The following EYS variants were observed in gnomAD, a reference collection of about 807,000 sequenced individuals.
The protein encoded by EYS is protein eyes shut homolog.
EYS carries 250 observed loss-of-function variants against 282.1 expected under a neutral mutation model. The observed-to-expected ratio is 0.89, with a 90% CI of 0.80 to 0.98. EYS has a LOEUF of 0.98. EYS is among the 50% of genes least tolerant of loss of function. The pLI is 0.00. For synonymous variants in EYS, 1,355 were observed against 1,282.9 expected, an observed-to-expected ratio of 1.06 and a Z score of -1.20; for missense variants, 4,016 against 3,709.0, an observed-to-expected ratio of 1.08 and a Z score of -2.15.
chr6:63,788,013 G>C (rs1770409637), intron 39 of EYS, 92 bp downstream of exon 39: 1 of 948,980 alleles, frequency 1.1e-6, no homozygotes, highest in Non-Finnish European at 1.5e-6. Context: ...CCATATAGCT[G>C]GTTTGGGAAA....
At chr6:64,518,733 G>T (rs1008745188) in intron 26 of EYS, among the ~76,000 whole-genome samples, 2 of 150,432 alleles carry the variant, frequency 1.3e-5, no homozygotes, top group Non-Finnish European at 3.0e-5. Context: ...CCCCCATCCT[G>T]TTCTTGTGAT....
At chr6:64,751,979 G>A (rs1328803857) in intron 22 of EYS, among the ~76,000 whole-genome samples, 1 of 152,050 alleles carries the variant, frequency 6.6e-6, no homozygotes, top group African/African-American at 2.4e-5. Flanking sequence ...CCTCAAGGAT[G>A]TGACTCATTA....
chr6:63,931,694 T>G (rs1764899641), intron 35 of EYS, among the ~76,000 whole-genome samples: 1 of 152,218 alleles, frequency 6.6e-6, no homozygotes, highest in Admixed American at 6.5e-5. Context: ...GATATTTTGA[T>G]ACACAAATAC....
chr6:63,791,362 A>G (rs2149672022), intron 37 of EYS, among the ~76,000 whole-genome samples: 1 of 152,228 alleles, frequency 6.6e-6, no homozygotes, highest in Non-Finnish European at 1.5e-5. Context: ...TCAGGAGATC[A>G]AGACCATCCT....
rs544095789 is a variant in EYS, at chr6:65,220,806, A to G, written c.2023+75057T>C. Among the ~76,000 whole-genome samples, 113 of 152,230 alleles carry G rather than the reference A, an allele frequency of 7.4e-4. 1 individual carries two copies. The highest frequency in any genetic ancestry group is 2.6e-3 in the African/African-American group (110 of 41,566). On this transcript the variant is annotated intron_variant, in intron 12 of 42. Coordinates refer to ENST00000503581, the MANE Select transcript of EYS (RefSeq NM_001142800.2). ...CTCAGAGACTTGTGGAATGGTTTTG[A>G]CCAAAATGCTGACAGTGATATGGAC...
chr6:63,840,898 T>A (rs1364430407), intron 36 of EYS, among the ~76,000 whole-genome samples: 1 of 152,202 alleles, frequency 6.6e-6, no homozygotes, highest in Non-Finnish European at 1.5e-5. Context: ...TTAGTCAATG[T>A]GTCTGTTTAT....
At chr6:64,050,954 ATAT>A (rs1453127597) in intron 33 of EYS, among the ~76,000 whole-genome samples, 1 of 152,186 alleles carries the variant, frequency 6.6e-6, no homozygotes, top group African/African-American at 2.4e-5. Flanking sequence ...TTGTTTGAGC[ATAT>A]TATAATCTCA....
chr6:64,225,148 A>G (rs754126239), intron 31 of EYS, among the ~76,000 whole-genome samples: 2 of 152,086 alleles, frequency 1.3e-5, no homozygotes, highest in Middle Eastern at 3.2e-3. Context: ...AGAACATTGA[A>G]CATCCTTTGA....
At chr6:65,057,268 T>C (rs1773444794) in intron 13 of EYS, among the ~76,000 whole-genome samples, 1 of 152,056 alleles carries the variant, frequency 6.6e-6, no homozygotes, top group Admixed American at 6.6e-5. Context: ...AGAGAAAACT[T>C]GACAATTTCA....
At chr6:64,101,420 G>T (rs116833035) in intron 31 of EYS, among the ~76,000 whole-genome samples, 3,620 of 151,946 alleles carry the variant, frequency 0.024, 127 homozygotes, top group African/African-American at 0.082. Context: ...AATAAATAAT[G>T]GTTTCTTCAG....
intron 31 of EYS, among the ~76,000 whole-genome samples, chr6:64,220,573 T>G (rs1766069947): frequency 6.6e-6 from 1 of 152,134 alleles, no homozygotes; most frequent in African/African-American, 2.4e-5. Flanking sequence ...GTTCAGCCCT[T>G]CCTTGGGAGA....
chr6:64,328,707 G>A (rs1004766688), intron 29 of EYS, among the ~76,000 whole-genome samples: 2 of 152,188 alleles, frequency 1.3e-5, no homozygotes, highest in Non-Finnish European at 2.9e-5. Context: ...TTGGGATGAG[G>A]AGGCCAAGAG....
At chr6:65,134,734 C>T (rs954536209) in intron 12 of EYS, among the ~76,000 whole-genome samples, 1 of 151,862 alleles carries the variant, frequency 6.6e-6, no homozygotes, top group Non-Finnish European at 1.5e-5. Context: ...TGTATGTGTG[C>T]CCCTGAATCT....
intron 12 of EYS, among the ~76,000 whole-genome samples, chr6:65,208,331 G>T (rs1404529451): frequency 6.6e-6 from 1 of 151,714 alleles, no homozygotes; most frequent in Non-Finnish European, 1.5e-5. Flanking sequence ...AGAGAAGAAG[G>T]GAACACTTAT....
At chr6:63,754,963 T>G (rs546898620) in intron 41 of EYS, among the ~76,000 whole-genome samples, 6 of 152,250 alleles carry the variant, frequency 3.9e-5, no homozygotes, top group Non-Finnish European at 8.8e-5. Context: ...TGTTTTTATA[T>G]GTCTGTTGGC....
intron 28 of EYS, among the ~76,000 whole-genome samples, chr6:64,393,449 G>C (rs556958191): frequency 2.3e-4 from 35 of 152,254 alleles, no homozygotes; most frequent in African/African-American, 7.2e-4. Flanking sequence ...AAGTGGGCTT[G>C]ATCCCTGGGA....
intron 15 of EYS, among the ~76,000 whole-genome samples, chr6:64,915,698 T>A (rs889563186): frequency 7.9e-5 from 12 of 152,210 alleles, no homozygotes; most frequent in African/African-American, 2.9e-4. Flanking sequence ...TACTTCTTTT[T>A]AATGTTTGAT....
chr6:64,860,225 C>CA (rs948546594), intron 19 of EYS, among the ~76,000 whole-genome samples: 10 of 152,206 alleles, frequency 6.6e-5, no homozygotes, highest in African/African-American at 2.4e-4. Context: ...CTTGGGCTGT[C>CA]ACTTTGCCAG....
chr6:64,203,750 A>G (rs1396237017), intron 31 of EYS, among the ~76,000 whole-genome samples: 1 of 152,218 alleles, frequency 6.6e-6, no homozygotes, highest in African/African-American at 2.4e-5. Context: ...ACAATAGTAA[A>G]TATATTTGAC....
Sources: allele counts gnomAD v4.1 joint callset (sites outside exome capture counted in the v4.1 genomes callset), GRCh38; gene constraint gnomAD v4.1.1; transcripts MANE v1.5; gene names NCBI Gene and HGNC (gene_info 2026-07-23, HGNC 2026-07-21).